The following DGCR2 variants were observed in gnomAD, a reference collection of about 807,000 sequenced individuals.
The protein encoded by DGCR2 is integral membrane protein DGCR2/IDD.
DGCR2 carries 24 observed loss-of-function variants against 51.6 expected under a neutral mutation model. The ratio of observed to expected loss-of-function variants is 0.47; its 90% CI spans 0.34 to 0.65. The LOEUF (loss-of-function observed/expected upper bound fraction) is 0.65, where lower values mean the gene tolerates loss of function less well. Among genes scored for constraint, DGCR2 ranks in the 30% least tolerant of loss-of-function variants. The pLI is 0.01. For synonymous variants in DGCR2, 340 were observed against 315.4 expected, an observed-to-expected ratio of 1.08 and a Z score of -0.82; for missense variants, 765 against 772.1, an observed-to-expected ratio of 0.99 and a Z score of 0.11.
At chr22:19,122,051 G>T in intron 1 of DGCR2, 77 bp downstream of exon 1, 3 of 1,118,248 alleles carry the variant, frequency 2.7e-6, no homozygotes, top group South Asian at 2.6e-5. Context: ...AGGGCGCCGC[G>T]GGTGAAAGGA....
At chr22:19,039,519 G>C (rs2082408391) in intron 9 of DGCR2, among the ~76,000 whole-genome samples, 1 of 152,142 alleles carries the variant, frequency 6.6e-6, no homozygotes, top group Non-Finnish European at 1.5e-5. Flanking sequence ...AGGGGCATTT[G>C]TCATCAGGGA....
At chr22:19,077,891 C>A (rs907500461) in intron 2 of DGCR2, among the ~76,000 whole-genome samples, 1 of 150,634 alleles carries the variant, frequency 6.6e-6, no homozygotes, top group Non-Finnish European at 1.5e-5. Flanking sequence ...TGCAGTGGTG[C>A]GATCTCAGCT....
intron 1 of DGCR2, among the ~76,000 whole-genome samples, chr22:19,104,383 AGG>A (rs71796879): frequency 0.32 from 48,022 of 152,076 alleles, 9,007 homozygotes; most frequent in African/African-American, 0.52. Context: ...CCTTGTTTCA[AGG>A]CTGTCTCAAA....
At chr22:19,116,618 A>G (rs368172363) in intron 1 of DGCR2, among the ~76,000 whole-genome samples, 2 of 152,202 alleles carry the variant, frequency 1.3e-5, no homozygotes, top group Non-Finnish European at 2.9e-5. Context: ...ATAACAGCAC[A>G]TAAGAGAAAA....
chr22:19,039,989 G>A (rs1310193804), intron 9 of DGCR2, among the ~76,000 whole-genome samples: 1 of 152,188 alleles, frequency 6.6e-6, no homozygotes, highest in Admixed American at 6.5e-5. Context: ...CTGGATTACA[G>A]GTGTGAGCCA....
rs73877029 is a variant in DGCR2 at position 19,063,185 on chromosome 22, A to C, written c.625+17T>G. ...TCTGCCCAGCTTCAAACACTCCCAC[A>C]CACCAGAAGGGCTCACCTTTGAATG... On this transcript the variant is annotated intron_variant, in intron 5 of 9. Coordinates refer to ENST00000263196, the MANE Select transcript of DGCR2 (RefSeq NM_005137.3). The C allele has an allele frequency of 2.1e-3, 3,378 of 1,613,390 alleles. 59 individuals carry two copies. The African/African-American group carries it at 0.039, about 19-fold the overall frequency.
At chr22:19,060,053 G>A (rs953654420) in intron 5 of DGCR2, among the ~76,000 whole-genome samples, 4 of 152,160 alleles carry the variant, frequency 2.6e-5, no homozygotes, top group African/African-American at 7.2e-5. Context: ...GCCCCACCAC[G>A]GTGGCAGCTG....
chr22:19,079,638 G>GC (rs2082914761), intron 2 of DGCR2, among the ~76,000 whole-genome samples: 1 of 152,230 alleles, frequency 6.6e-6, no homozygotes, highest in Non-Finnish European at 1.5e-5. Flanking sequence ...TATGTAGCAT[G>GC]TAATGTAATC....
chr22:19,107,019 C>T (rs2083267191), intron 1 of DGCR2, among the ~76,000 whole-genome samples: 1 of 152,062 alleles, frequency 6.6e-6, no homozygotes, highest in Admixed American at 6.6e-5. Flanking sequence ...TTTTTCCCTA[C>T]CAGTGGCCAG....
Position 19,038,830 on chromosome 22 carries a change from G to T in DGCR2, c.*35C>A. The T allele has an allele frequency of 6.3e-7, 1 of 1,596,336 alleles. No individual in the cohort carries two copies. On this transcript the variant is annotated 3_prime_UTR_variant, in exon 10 of 10. Coordinates refer to ENST00000263196, the MANE Select transcript of DGCR2 (RefSeq NM_005137.3). ...GACCGGTGTTTTCTACAACAGACAGGTGCTCCCAGACCGTTGGGGTACAGG... is the reference window on the plus strand; with the variant it reads ...GACCGGTGTTTTCTACAACAGACAGTTGCTCCCAGACCGTTGGGGTACAGG...
chr22:19,079,043 A>T (rs2082909123), intron 2 of DGCR2, among the ~76,000 whole-genome samples: 1 of 152,182 alleles, frequency 6.6e-6, no homozygotes, highest in Non-Finnish European at 1.5e-5. Context: ...CTCATGATTC[A>T]GTCTTGGCAG....
In DGCR2 at chr22:19,048,421, G is replaced by A. The variant is rs756162031; in HGVS notation, c.1006+19C>T. 23 of 1,613,584 alleles carry A rather than the reference G, an allele frequency of 1.4e-5. No individual in the cohort carries two copies. The highest frequency in any genetic ancestry group is 7.7e-5 in the South Asian group (7 of 91,068). ...CCAAATAGGGAGGCTGACTTGGGAC[G>A]TCCTATCAAGAGTCTCACCTGGGTC... On this transcript the variant is annotated intron_variant, in intron 7 of 9. Transcript: ENST00000263196.
intron 6 of DGCR2, among the ~76,000 whole-genome samples, chr22:19,049,317 A>G (rs2082523943): frequency 6.6e-6 from 1 of 152,050 alleles, no homozygotes; most frequent in Non-Finnish European, 1.5e-5. Context: ...AGTAAGAGGA[A>G]TGGCCATGGC....
At position 19,122,333 on chromosome 22, in the gene DGCR2, G is replaced by A. The variant is rs2083444726; in HGVS notation, c.-127C>T. On this transcript the variant is annotated 5_prime_UTR_variant, in exon 1 of 10. Coordinates refer to ENST00000263196, the MANE Select transcript of DGCR2 (RefSeq NM_005137.3). ...TGGGCGAGGCGCGGAGAGGCGGCGGGAAAGAGCTTCGGCTGGGCCGCGGGC... is the reference window on the plus strand; with the variant it reads ...TGGGCGAGGCGCGGAGAGGCGGCGGAAAAGAGCTTCGGCTGGGCCGCGGGC... 9.5e-6 allele frequency: 7 copies of A among 733,680 alleles called. No homozygotes were observed. In the South Asian group the frequency reaches 1.4e-4, roughly 15 times the overall value. 45.4% of individuals were successfully genotyped at this position (733,680 alleles called of 1,614,324 possible).
At chr22:19,068,786 T>C (rs920744482) in intron 2 of DGCR2, among the ~76,000 whole-genome samples, 1 of 152,268 alleles carries the variant, frequency 6.6e-6, no homozygotes, top group South Asian at 2.1e-4. Flanking sequence ...TCTTTGGTGC[T>C]TGGCACAGGC....
intron 5 of DGCR2, among the ~76,000 whole-genome samples, chr22:19,062,754 TGCGCACACACACACATGCATGCTCACTC>T (rs1260090871): frequency 1.5e-5 from 2 of 137,150 alleles, no homozygotes; most frequent in Non-Finnish European, 3.3e-5. Context: ...ATAAAATCTT[TGCGCACACACACACATGCATGCTCACTC>T]TCTCTCTCTC....
intron 1 of DGCR2, among the ~76,000 whole-genome samples, chr22:19,119,074 GA>G (rs1407553330): frequency 6.6e-6 from 1 of 152,146 alleles, no homozygotes; most frequent in Non-Finnish European, 1.5e-5. Context: ...TATCCACATG[GA>G]AAAAGATTCT....
intron 2 of DGCR2, among the ~76,000 whole-genome samples, chr22:19,074,340 C>A (rs58506081): frequency 1.3e-5 from 2 of 149,906 alleles, no homozygotes. Context: ...GCAGAAGAAT[C>A]GATTGAGCCT....
At chr22:19,115,443 G>A (rs2083363918) in intron 1 of DGCR2, among the ~76,000 whole-genome samples, 1 of 152,260 alleles carries the variant, frequency 6.6e-6, no homozygotes, top group South Asian at 2.1e-4. Flanking sequence ...AGGCCAGCTG[G>A]CTCCACAGCC....
Sources: gnomAD v4.1 joint callset for allele counts (sites outside exome capture counted in the v4.1 genomes callset) on GRCh38, gnomAD v4.1.1 for gene constraint, MANE v1.5 for transcripts, NCBI Gene and HGNC (gene_info 2026-07-23, HGNC 2026-07-21) for gene names.